Variants in ITPRID1 observed in about 807,000 individuals in gnomAD.
ITPRID1 encodes the protein ITPR interacting domain containing 1.
Under a neutral mutation model 95.4 loss-of-function variants are expected in ITPRID1, and 96 were observed. The observed-to-expected ratio is 1.01, with a 90% CI of 0.85 to 1.19. ITPRID1 has a LOEUF of 1.19. Among genes scored for constraint, ITPRID1 ranks in the 50% most tolerant of loss-of-function variants. The pLI is 0.00. For missense variants in ITPRID1, 1,339 were observed against 1,252.9 expected, an observed-to-expected ratio of 1.07 and a Z score of -1.04; for synonymous variants, 510 against 453.6, an observed-to-expected ratio of 1.12 and a Z score of -1.58.
chr7:31,608,165 G>T (rs958977760), intron 10 of ITPRID1, among the ~76,000 whole-genome samples: 6 of 151,866 alleles, frequency 4.0e-5, no homozygotes, highest in Non-Finnish European at 5.9e-5. Flanking sequence ...AAATCAGTTG[G>T]CTTTAAATGT....
At chr7:31,598,416 T>C (rs2128158206) in intron 10 of ITPRID1, among the ~76,000 whole-genome samples, 1 of 144,852 alleles carries the variant, frequency 6.9e-6, no homozygotes, top group East Asian at 2.0e-4. Context: ...TTTTTTTTTT[T>C]TTTTTGAGAC....
Position 31,572,114 on chromosome 7 carries a change from G to A in ITPRID1, c.321G>A (p.Gln107=). The change falls in exon 7 of 15, where the codon CAG becomes CAA. Residue 107 remains glutamine, a synonymous_variant. Coordinates refer to ENST00000615280, the MANE Select transcript of ITPRID1 (RefSeq NM_001257967.3). ...TTCCCAACTGTAGATCTTTGCATCAGTTTTCAGAAACTCCCATCCTATCCA... is the reference window on the plus strand; with the variant it reads ...TTCCCAACTGTAGATCTTTGCATCAATTTTCAGAAACTCCCATCCTATCCA... ...TVKDYMRSLH[Q]FSETPILSRG... The A allele has an allele frequency of 1.2e-6, 2 of 1,608,518 alleles. No individual in the cohort carries two copies. Among genetic ancestry groups the A allele is most frequent in the Middle Eastern group, 1.7e-4 (1 of 6,052 alleles).
intron 1 of ITPRID1, among the ~76,000 whole-genome samples, chr7:31,531,412 A>T (rs960765824): frequency 6.6e-6 from 1 of 152,224 alleles, no homozygotes; most frequent in Non-Finnish European, 1.5e-5. Flanking sequence ...ATTAAGGAGC[A>T]TATGAGGAAG....
chr7:31,627,608 T>C (rs1437782083), intron 10 of ITPRID1, among the ~76,000 whole-genome samples: 1 of 133,538 alleles, frequency 7.5e-6, no homozygotes, highest in Non-Finnish European at 1.5e-5. Context: ...CGCAGTAAGC[T>C]GCGATCATGC....
intron 2 of ITPRID1, 87 bp downstream of exon 2, chr7:31,549,586 T>C: frequency 2.1e-6 from 2 of 943,714 alleles, no homozygotes; most frequent in Non-Finnish European, 3.0e-6. Context: ...TATGAGGAAA[T>C]AGATTATCAG....
At chr7:31,515,911 G>A (rs544844180) in intron 1 of ITPRID1, among the ~76,000 whole-genome samples, 1 of 152,200 alleles carries the variant, frequency 6.6e-6, no homozygotes, top group African/African-American at 2.4e-5. Flanking sequence ...ACGAGGCTGA[G>A]CTTCTGTTTC....
Position 31,656,100 on chromosome 7 carries a change from T to A in ITPRID1, c.*3271T>A. On this transcript the variant is annotated 3_prime_UTR_variant, in exon 15 of 15. Transcript: ENST00000615280. ...CCTTGATGATCTGTGGCAGAAGTGA[T>A]CCTTATTTTTTGAAACTCCTATATC... 1.1e-6 allele frequency: 1 copy of A among 879,344 alleles called. No individual in the cohort carries two copies. The highest frequency in any genetic ancestry group is 1.4e-6 in the Non-Finnish European group (1 of 733,408). 54.5% of individuals were successfully genotyped at this position (879,344 alleles called of 1,614,324 possible). A position where few individuals can be genotyped will look rare whatever the true frequency, so the allele number is the denominator to read the frequency against.
chr7:31,602,229 A>C (rs1786424799), intron 10 of ITPRID1, among the ~76,000 whole-genome samples: 1 of 152,122 alleles, frequency 6.6e-6, no homozygotes. Context: ...AGAAGGGATA[A>C]TCCTTATTTA....
intron 10 of ITPRID1, among the ~76,000 whole-genome samples, chr7:31,611,126 T>C (rs148075433): frequency 1.4e-4 from 21 of 151,652 alleles, no homozygotes; most frequent in Non-Finnish European, 1.5e-4. Flanking sequence ...ATTTTTTAAG[T>C]TACTTTTCTA....
chr7:31,548,926 G>A (rs184752808), intron 1 of ITPRID1, among the ~76,000 whole-genome samples: 102 of 152,224 alleles, frequency 6.7e-4, no homozygotes, highest in Middle Eastern at 6.8e-3. Context: ...CTTCAATGCT[G>A]CTCTTGGGGA....
intron 10 of ITPRID1, among the ~76,000 whole-genome samples, chr7:31,585,044 G>A (rs567346453): frequency 6.6e-6 from 1 of 152,300 alleles, no homozygotes; most frequent in Admixed American, 6.5e-5. Flanking sequence ...ACTTTCTGGT[G>A]GACAGTGCTG....
At chr7:31,627,293 T>C (rs1788553044) in intron 10 of ITPRID1, among the ~76,000 whole-genome samples, 1 of 152,084 alleles carries the variant, frequency 6.6e-6, no homozygotes, top group Non-Finnish European at 1.5e-5. Context: ...TTGGAATCAG[T>C]AAAAAGTAAT....
At chr7:31,602,358 A>G (rs1028715227) in intron 10 of ITPRID1, among the ~76,000 whole-genome samples, 4 of 152,150 alleles carry the variant, frequency 2.6e-5, no homozygotes, top group Admixed American at 2.6e-4. Flanking sequence ...CTGGCAGTTT[A>G]GTGTTGCTTT....
intron 10 of ITPRID1, among the ~76,000 whole-genome samples, chr7:31,620,077 G>C (rs964405612): frequency 2.4e-4 from 37 of 152,310 alleles, no homozygotes; most frequent in African/African-American, 8.4e-4. Context: ...CATTACCCAG[G>C]CTTGATTAGG....
At position 31,554,859 on chromosome 7, in the gene ITPRID1, G is replaced by T. The variant is rs372723381; in HGVS notation, c.214G>T (p.Val72Phe). The T allele has an allele frequency of 4.4e-5, 70 of 1,573,474 alleles. No homozygotes were observed. The highest frequency in any genetic ancestry group is 5.5e-5 in the Non-Finnish European group (64 of 1,156,774). Reference sequence around the variant, plus strand: ...CACAATACTTTTGTTTCTTTACAGTGTCTCTGCAAATGAAAACTTTCAACA... The same window carrying T: ...CACAATACTTTTGTTTCTTTACAGTTTCTCTGCAAATGAAAACTTTCAACA... ...IQQWLDSGFFVSANENFQQVI... is the reference protein window; with the variant it reads ...IQQWLDSGFFFSANENFQQVI... The change falls in exon 5 of 15, where the codon GTC becomes TTC. Residue 72 changes from valine to phenylalanine, a missense_variant and splice_region_variant. Transcript: ENST00000615280.
intron 10 of ITPRID1, among the ~76,000 whole-genome samples, chr7:31,636,687 C>T (rs1281395758): frequency 6.6e-6 from 1 of 151,104 alleles, no homozygotes; most frequent in African/African-American, 2.4e-5. Flanking sequence ...AACTAACAGG[C>T]TGTGGGCCCA....
intron 11 of ITPRID1, 56 bp downstream of exon 11, chr7:31,642,314 C>T: frequency 8.2e-7 from 1 of 1,212,236 alleles, no homozygotes; most frequent in Non-Finnish European, 1.2e-6. Flanking sequence ...CACTTCAGCC[C>T]TATCAACCAG....
chr7:31,596,763 A>G (rs1270291391), intron 10 of ITPRID1, among the ~76,000 whole-genome samples: 6 of 151,530 alleles, frequency 4.0e-5, no homozygotes, highest in African/African-American at 7.2e-5. Context: ...GTAGATGAAT[A>G]TTTATATTGG....
chr7:31,618,405 G>C (rs1320667868), intron 10 of ITPRID1, among the ~76,000 whole-genome samples: 2 of 152,134 alleles, frequency 1.3e-5, no homozygotes, highest in Admixed American at 1.3e-4. Flanking sequence ...TTAGGCTATT[G>C]AAGAAGAGGC....
Sources: gnomAD v4.1 joint callset for allele counts (sites outside exome capture counted in the v4.1 genomes callset) on GRCh38, gnomAD v4.1.1 for gene constraint, MANE v1.5 for transcripts, NCBI Gene and HGNC (gene_info 2026-07-23, HGNC 2026-07-21) for gene names.